The following KDM4B variants were observed in gnomAD, a reference collection of about 807,000 sequenced individuals.
KDM4B encodes lysine-specific demethylase 4B.
In KDM4B, 32 loss-of-function variants were observed where a neutral mutation model predicts 125.2. That is an observed-to-expected ratio of 0.26 (90% CI 0.19 to 0.34). The LOEUF (loss-of-function observed/expected upper bound fraction) is 0.34. KDM4B is among the 10% of genes least tolerant of loss of function. The pLI, the probability that KDM4B is intolerant of heterozygous loss-of-function variation, is 1.00. For synonymous variants in KDM4B, 721 were observed against 677.9 expected, an observed-to-expected ratio of 1.06 and a Z score of -0.99; for missense variants, 1,190 against 1,577.7, an observed-to-expected ratio of 0.75 and a Z score of 4.16.
At chr19:5,084,419 T>TCA (rs1555709508) in intron 9 of KDM4B, among the ~76,000 whole-genome samples, 191 of 141,518 alleles carry the variant, frequency 1.3e-3, no homozygotes, top group African/African-American at 4.6e-3. Flanking sequence ...ATTACATAAT[T>TCA]TATATATATA....
chr19:5,001,602 C>T (rs1384879863), intron 1 of KDM4B, among the ~76,000 whole-genome samples: 3 of 152,276 alleles, frequency 2.0e-5, no homozygotes, highest in East Asian at 3.9e-4. Context: ...GGTAGATTTT[C>T]GTGAGTGGGA....
At position 5,035,921 on chromosome 19, in the gene KDM4B, G is replaced by A. The variant is rs1163289662; in HGVS notation, c.141+2890G>A. Among the ~76,000 whole-genome samples, 2 of 151,600 alleles carry A rather than the reference G, an allele frequency of 1.3e-5. No homozygotes were observed. Among genetic ancestry groups the A allele is most frequent in the Non-Finnish European group, 2.9e-5 (2 of 67,912 alleles). On this transcript the variant is annotated intron_variant, in intron 3 of 22. Transcript: ENST00000159111. This position sits in a 1 kb window ranked among gnomAD's most constrained non-coding sequence, Gnocchi z 5.3. ...CCTGCGCGCACAGGAGACTGAGGTGGGGAGGCAGCTCTCACACAGCCCAGA... is the reference window on the plus strand; with the variant it reads ...CCTGCGCGCACAGGAGACTGAGGTGAGGAGGCAGCTCTCACACAGCCCAGA...
chr19:5,001,243 G>T (rs2035374524), intron 1 of KDM4B, among the ~76,000 whole-genome samples: 2 of 152,146 alleles, frequency 1.3e-5, no homozygotes, highest in Admixed American at 1.3e-4. Context: ...TTGCTATGTT[G>T]CCCAGGCTGG....
chr19:5,067,633 G>A (rs2037815288), intron 6 of KDM4B, among the ~76,000 whole-genome samples: 1 of 152,048 alleles, frequency 6.6e-6, no homozygotes, highest in Admixed American at 6.5e-5. Context: ...GCTGGCATGG[G>A]GGAGGGAGGG....
At chr19:5,057,449 A>G (rs1249014079) in intron 6 of KDM4B, among the ~76,000 whole-genome samples, 1 of 152,172 alleles carries the variant, frequency 6.6e-6, no homozygotes, top group Non-Finnish European at 1.5e-5. Context: ...GTGGACGGAC[A>G]TTTGGGCTGT....
At chr19:5,134,719 C>T (rs531044396) in intron 14 of KDM4B, among the ~76,000 whole-genome samples, 53 of 152,330 alleles carry the variant, frequency 3.5e-4, no homozygotes, top group Admixed American at 2.4e-3. Flanking sequence ...GCAGAGCTGC[C>T]CTGGGTTGGG....
At chr19:5,119,394 G>A (rs932614883) in intron 10 of KDM4B, among the ~76,000 whole-genome samples, 19 of 151,990 alleles carry the variant, frequency 1.3e-4, no homozygotes, top group African/African-American at 4.1e-4. Flanking sequence ...TGTCATCAGC[G>A]TCCCCCGCTT....
chr19:4,997,294 A>T lies in KDM4B; in HGVS notation c.-108-18963A>T, dbSNP rs141807073. On this transcript the variant is annotated intron_variant, in intron 1 of 22. Transcript: ENST00000159111. This position sits in a 1 kb window ranked among gnomAD's most constrained non-coding sequence, Gnocchi z 4.2. ...ACATAGGATGTTTTCAAGTTGCCTG[A>T]TGTGTCCTTCCCTTTAGGGCTTCCG... 3.6e-4 allele frequency among the ~76,000 whole-genome samples: 54 copies of T among 152,110 alleles called. No homozygotes were observed. Among genetic ancestry groups the T allele is most frequent in the African/African-American group, 1.3e-3 (53 of 41,486 alleles).
rs577956301 is a variant in KDM4B at position 5,088,986 on chromosome 19, T to C, written c.918+6482T>C. On this transcript the variant is annotated intron_variant, in intron 9 of 22. Coordinates refer to ENST00000159111, the MANE Select transcript of KDM4B (RefSeq NM_015015.3). ...GCTACACCGTGCGAGACCCCATTTCTATGAAATGTCCGGGACAAGCCAGTG... is the reference window on the plus strand; with the variant it reads ...GCTACACCGTGCGAGACCCCATTTCCATGAAATGTCCGGGACAAGCCAGTG... Among the ~76,000 whole-genome samples the C allele has an allele frequency of 4.6e-5, 7 of 152,250 alleles. 2 individuals carry two copies. Among genetic ancestry groups the C allele is most frequent in the African/African-American group, 1.7e-4 (7 of 41,524 alleles).
intron 9 of KDM4B, among the ~76,000 whole-genome samples, chr19:5,095,009 T>C (rs1488131166): frequency 6.6e-6 from 1 of 151,982 alleles, no homozygotes; most frequent in Non-Finnish European, 1.5e-5. Flanking sequence ...GCAGGGGCAG[T>C]GTGAGGGATG....
At chr19:5,119,585 A>T in intron 10 of KDM4B, 68 bp from the exon 11 acceptor site, 1 of 1,425,492 alleles carries the variant, frequency 7.0e-7, no homozygotes, top group Non-Finnish European at 9.7e-7. Flanking sequence ...GCTGCCGGAC[A>T]GAGTGCACAG....
chr19:5,101,278 T>G (rs59411761), intron 9 of KDM4B, among the ~76,000 whole-genome samples: 30,442 of 151,024 alleles, frequency 0.2, 4,152 homozygotes, highest in East Asian at 0.66. Context: ...GGTTTTTGTT[T>G]TTTTTTTGAT....
rs561186456 is a variant in KDM4B, at chr19:5,052,354, GGGGTGGGGGTGGGGA to G, written c.626+4708_626+4722del. On this transcript the variant is annotated intron_variant, in intron 6 of 22. Coordinates refer to ENST00000159111, the MANE Select transcript of KDM4B (RefSeq NM_015015.3). ...CCGAGGAACCGTGCTCCAGACACTG[GGGGTGGGGGTGGGGA>G]GGGTGGGGGTGGGGAGGGTGGGTTC... is the stretch of plus-strand genomic sequence containing the variant. Among the ~76,000 whole-genome samples the G allele has an allele frequency of 9.9e-3, 1,483 of 149,724 alleles. 31 individuals carry two copies. Among genetic ancestry groups the G allele is most frequent in the African/African-American group, 0.034 (1,355 of 40,362 alleles).
At chr19:4,988,817 C>G (rs1415258479) in intron 1 of KDM4B, among the ~76,000 whole-genome samples, 12 of 152,186 alleles carry the variant, frequency 7.9e-5, no homozygotes, top group Non-Finnish European at 5.9e-5. Flanking sequence ...CGGGTTTTAC[C>G]TCAGCTTCCT....
intron 21 of KDM4B, among the ~76,000 whole-genome samples, chr19:5,147,685 G>A (rs912446604): frequency 1.3e-5 from 2 of 149,094 alleles, no homozygotes; most frequent in African/African-American, 2.5e-5. Flanking sequence ...TGAGGATTCA[G>A]TGATCCAAGA....
chr19:5,098,421 T>C (rs2038869184), intron 9 of KDM4B, among the ~76,000 whole-genome samples: 1 of 152,232 alleles, frequency 6.6e-6, no homozygotes, highest in Non-Finnish European at 1.5e-5. Flanking sequence ...GGAGAACAGC[T>C]GCCCTGCCTG....
intron 6 of KDM4B, among the ~76,000 whole-genome samples, chr19:5,064,335 C>T (rs565194073): frequency 5.3e-4 from 81 of 152,306 alleles, no homozygotes; most frequent in African/African-American, 1.9e-3. Flanking sequence ...TGGCGAAGGC[C>T]CGTCTGCCCA....
At chr19:5,145,530 G>A (rs1054592758) in intron 21 of KDM4B, among the ~76,000 whole-genome samples, 1 of 151,712 alleles carries the variant, frequency 6.6e-6, no homozygotes, top group Non-Finnish European at 1.5e-5. Flanking sequence ...GCAGTGAGCC[G>A]AGATCACACC....
At chr19:4,980,156 C>T (rs1193608983) in intron 1 of KDM4B, among the ~76,000 whole-genome samples, 1 of 152,042 alleles carries the variant, frequency 6.6e-6, no homozygotes, top group Non-Finnish European at 1.5e-5. Flanking sequence ...CACAGTTGTG[C>T]AACCGTCACC....
Sources: gnomAD v4.1 joint callset for allele counts (sites outside exome capture counted in the v4.1 genomes callset) on GRCh38, gnomAD v4.1.1 for gene constraint, Gnocchi (gnomAD v3.1) non-coding constraint, MANE v1.5 for transcripts, NCBI Gene and HGNC (gene_info 2026-07-23, HGNC 2026-07-21) for gene names.